The following VPS37C variants were observed in gnomAD, a reference collection of about 807,000 sequenced individuals.
The protein encoded by VPS37C is VPS37C subunit of ESCRT-I, also known as vacuolar protein sorting-associated protein 37C.
In VPS37C, 9 loss-of-function variants were observed where a neutral mutation model predicts 16.1. The observed-to-expected ratio is 0.56, with a 90% confidence interval of 0.34 to 0.97. The LOEUF (loss-of-function observed/expected upper bound fraction) is 0.97, where lower values mean the gene tolerates loss of function less well. VPS37C is among the 50% of genes least tolerant of loss of function. The probability of loss-of-function intolerance (pLI) is 0.02; values close to 1 mark genes in which losing one functional copy is unlikely to be tolerated. For synonymous variants in VPS37C, 207 were observed against 206.4 expected, an observed-to-expected ratio of 1.00 and a Z score of -0.02; for missense variants, 479 against 472.7, an observed-to-expected ratio of 1.01 and a Z score of -0.12.
chr11:61,132,099 C>T lies in VPS37C; in HGVS notation c.789G>A (p.Gln263=). The change falls in exon 5 of 5, where the codon CAG becomes CAA. Residue 263 remains glutamine (Q), a synonymous_variant. Transcript: ENST00000301765. ...AGCCCGGCCGGGGTGGCATGCTCCT[C>T]TGTGGGGACCAGGAGTAACCCGCAG... The part of the protein sequence containing the change: ...RGAAGYSWSP[Q]RSMPPRPGYP... 1 of 1,420,290 alleles carries T rather than the reference C, an allele frequency of 7.0e-7. No individual in the cohort carries two copies. Among genetic ancestry groups the T allele is most frequent in the Non-Finnish European group, 9.2e-7 (1 of 1,082,880 alleles). The allele number at this position is 1,420,290 out of a possible 1,614,324, so 88.0% of individuals were successfully genotyped here.
intron 1 of VPS37C, chr11:61,144,758 T>G (rs547254305): frequency 6.6e-4 from 100 of 152,356 alleles, no homozygotes; most frequent in African/African-American, 2.3e-3. Context: ...GTGAAAACAG[T>G]GCCTGCCACG....
At chr11:61,133,758 A>G (rs1861313798) in intron 3 of VPS37C, among the ~76,000 whole-genome samples, 1 of 152,204 alleles carries the variant, frequency 6.6e-6, no homozygotes, top group African/African-American at 2.4e-5. Context: ...AAAGCATAGA[A>G]GCTGAGCTGC....
chr11:61,149,661 A>G (rs937423072), intron 1 of VPS37C, among the ~76,000 whole-genome samples: 1 of 152,214 alleles, frequency 6.6e-6, no homozygotes, highest in Admixed American at 6.5e-5. Flanking sequence ...CAAGCTCCAA[A>G]CCAATCTAGA....
chr11:61,133,043 C>G, intron 4 of VPS37C: 1 of 682,374 alleles, frequency 1.5e-6, no homozygotes. Flanking sequence ...CCCTTGTCCA[C>G]TGTCACCCGT....
At chr11:61,143,362 A>ATTT (rs779076399) in intron 1 of VPS37C, 54 of 52,282 alleles carry the variant, frequency 1.0e-3, no homozygotes, top group Non-Finnish European at 1.5e-3. Context: ...AGGATTCTTA[A>ATTT]TTTTTTTTTT....
chr11:61,144,853 ACCT>A (rs1853171376), intron 1 of VPS37C: 1 of 152,108 alleles, frequency 6.6e-6, no homozygotes, highest in African/African-American at 2.4e-5. Context: ...CCAAGCTGCT[ACCT>A]CCTCTGCTCA....
Position 61,131,548 on chromosome 11 carries a change from C to T in VPS37C, c.*272G>A, listed in dbSNP as rs920341023. On this transcript the variant is annotated 3_prime_UTR_variant, in exon 5 of 5. Coordinates refer to ENST00000301765, the MANE Select transcript of VPS37C (RefSeq NM_017966.5). ...CACATGCGCTCACTCACACAGACAC[C>T]GGCGAGAGGTGCTGGACTCCAGCCT... 1.3e-5 allele frequency: 5 copies of T among 389,332 alleles called. No individual in the cohort carries two copies. Among genetic ancestry groups the T allele is most frequent in the African/African-American group, 6.2e-5 (3 of 48,522 alleles). 24.1% of individuals were successfully genotyped at this position (389,332 alleles called of 1,614,324 possible).
At chr11:61,150,557 G>GTTTTT (rs569932213) in intron 1 of VPS37C, among the ~76,000 whole-genome samples, 2 of 147,210 alleles carry the variant, frequency 1.4e-5, no homozygotes, top group African/African-American at 2.5e-5. Context: ...AAGGAGTTTT[G>GTTTTT]TTTTTTTTTT....
rs1301001510 is a variant in VPS37C, at chr11:61,132,429, G to C, written c.459C>G (p.Leu153=). The C allele has an allele frequency of 6.2e-7, 1 of 1,611,542 alleles. No homozygotes were observed. The highest frequency in any genetic ancestry group is 1.3e-5 in the African/African-American group (1 of 74,844). Residue 153 remains leucine, a synonymous_variant, in exon 5 of 5, where the codon CTC becomes CTG. Coordinates refer to ENST00000301765, the MANE Select transcript of VPS37C (RefSeq NM_017966.5). ...CCCTGGGCTTCCTCACCACTTCCTG[G>C]AGCTTTTCCACGCGAACCCGGCGCA... is the stretch of plus-strand genomic sequence containing the variant. The part of the protein sequence containing the change: ...SHLRRVRVEK[L]QEVVRKPRAS...
At chr11:61,145,405 G>C (rs1853185827) in intron 1 of VPS37C, 1 of 152,460 alleles carries the variant, frequency 6.6e-6, no homozygotes, top group East Asian at 1.9e-4. Flanking sequence ...CTGCCTCCGG[G>C]TTGGGGACGC....
chr11:61,130,941 G>T lies in VPS37C; in HGVS notation c.*879C>A. ...ATGAGATTCAAGGCACTAAAGGAGT[G>T]GATGGATGCGTGGGCCTCGGGCAAA... On this transcript the variant is annotated 3_prime_UTR_variant, in exon 5 of 5. Coordinates refer to ENST00000301765, the MANE Select transcript of VPS37C (RefSeq NM_017966.5). 1 of 370,264 alleles carries T rather than the reference G, an allele frequency of 2.7e-6. No individual in the cohort carries two copies. Among genetic ancestry groups the T allele is most frequent in the Non-Finnish European group, 5.2e-6 (1 of 193,428 alleles). 22.9% of individuals were successfully genotyped at this position (370,264 alleles called of 1,614,324 possible). A position where few individuals can be genotyped will look rare whatever the true frequency, so the allele number is the denominator to read the frequency against.
At chr11:61,138,615 A>C in intron 2 of VPS37C, 122 bp downstream of exon 2, 1 of 840,020 alleles carries the variant, frequency 1.2e-6, no homozygotes, top group Admixed American at 2.2e-5. Context: ...ACCAGGATGA[A>C]GTTCACAGAA....
intron 1 of VPS37C, among the ~76,000 whole-genome samples, chr11:61,160,520 C>A (rs1255937140): frequency 6.6e-6 from 1 of 152,212 alleles, no homozygotes; most frequent in Non-Finnish European, 1.5e-5. Context: ...AGCAAGAGAA[C>A]TGAGGTACCG....
Position 61,130,536 on chromosome 11 carries a change from T to C in VPS37C, c.*1284A>G. 1 of 242,548 alleles carries C rather than the reference T, an allele frequency of 4.1e-6. No homozygotes were observed. The highest frequency in any genetic ancestry group is 4.1e-5 in the South Asian group (1 of 24,138). The allele number at this position is 242,548 out of a possible 1,614,324, so 15.0% of individuals were successfully genotyped here. A position where few individuals can be genotyped will look rare whatever the true frequency, so the allele number is the denominator to read the frequency against. ...ATGCTGCGTCCTCAGGTAGTGGACA[T>C]TTCAAGGCACGTACAACTTCCTAAG... On this transcript the variant is annotated 3_prime_UTR_variant, in exon 5 of 5. Transcript: ENST00000301765.
At chr11:61,148,788 G>C (rs1053484494) in intron 1 of VPS37C, among the ~76,000 whole-genome samples, 2 of 152,200 alleles carry the variant, frequency 1.3e-5, no homozygotes, top group African/African-American at 4.8e-5. Flanking sequence ...CCAGGCTAGA[G>C]TGCAGGGACG....
chr11:61,151,551 TA>T (rs1473335059), intron 1 of VPS37C, among the ~76,000 whole-genome samples: 1 of 152,176 alleles, frequency 6.6e-6, no homozygotes, highest in Admixed American at 6.5e-5. Context: ...GGAGCTTTTG[TA>T]AGGAGGAATT....
At position 61,133,269 on chromosome 11, in the gene VPS37C, C is replaced by T. The variant is rs201799437; in HGVS notation, c.334G>A (p.Glu112Lys). The change falls in exon 4 of 5, where the codon GAA becomes AAA. Residue 112 changes from glutamate to lysine, a missense_variant. Coordinates refer to ENST00000301765, the MANE Select transcript of VPS37C (RefSeq NM_017966.5). ...DLLQVEGMKI[E>K]EESEAMAEKF... ...CGCCCTCTCACCTCGGACTCTTCTT[C>T]GATCTTCATGCCTTCCACCTGCAGA... 25 of 1,614,184 alleles carry T rather than the reference C, an allele frequency of 1.5e-5. No homozygotes were observed. Among genetic ancestry groups the T allele is most frequent in the Non-Finnish European group, 2.0e-5 (24 of 1,180,038 alleles).
Position 61,132,407 on chromosome 11 carries a change from T to C in VPS37C, c.481A>G (p.Arg161Gly). Reference sequence around the variant, plus strand: ...TCGCCGGCCAGCTCCTGGGAAGCCCTGGGCTTCCTCACCACTTCCTGGAGC... The same window carrying C: ...TCGCCGGCCAGCTCCTGGGAAGCCCCGGGCTTCCTCACCACTTCCTGGAGC... ...EKLQEVVRKP[R>G]ASQELAGDAP... The change falls in exon 5 of 5, where the codon AGG (arginine) becomes GGG (glycine). Residue 161 changes from arginine (R) to glycine (G), a missense_variant. Transcript: ENST00000301765. The C allele has an allele frequency of 6.2e-7, 1 of 1,608,236 alleles. No individual in the cohort carries two copies. The highest frequency in any genetic ancestry group is 1.3e-5 in the African/African-American group (1 of 74,872).
At position 61,133,296 on chromosome 11, in the gene VPS37C, G is replaced by C. The variant is rs1246861873; in HGVS notation, c.307C>G (p.Leu103Val). 1.2e-6 allele frequency: 2 copies of C among 1,614,062 alleles called. No individual in the cohort carries two copies. The highest frequency in any genetic ancestry group is 2.2e-5 in the East Asian group (1 of 44,894). ...ATCTTCATGCCTTCCACCTGCAGAAGGTCTAACAAGGTCCCTGGCTGCAGT... is the reference window on the plus strand; with the variant it reads ...ATCTTCATGCCTTCCACCTGCAGAACGTCTAACAAGGTCCCTGGCTGCAGT... ...SALQPGTLLD[L>V]LQVEGMKIEE... is the part of the protein sequence containing the mutation. Residue 103 changes from leucine to valine, a missense_variant, in exon 4 of 5, where the codon CTT becomes GTT. Transcript: ENST00000301765.
Sources: gnomAD v4.1 joint callset for allele counts (sites outside exome capture counted in the v4.1 genomes callset) on GRCh38, gnomAD v4.1.1 for gene constraint, MANE v1.5 for transcripts, NCBI Gene and HGNC (gene_info 2026-07-23, HGNC 2026-07-21) for gene names.